The following XIAP variants were observed in gnomAD, a reference collection of about 807,000 sequenced individuals.
XIAP encodes the protein E3 ubiquitin-protein ligase XIAP.
XIAP carries 3 observed loss-of-function variants against 33.1 expected under a neutral mutation model. The ratio of observed to expected loss-of-function variants is 0.09; its 90% confidence interval spans 0.04 to 0.23. The LOEUF (loss-of-function observed/expected upper bound fraction) is 0.23, where lower values mean the gene tolerates loss of function less well. XIAP is among the 10% of genes least tolerant of loss of function. XIAP has a pLI of 1.00. For synonymous variants in XIAP, 98 were observed against 121.3 expected (o/e 0.81, Z 1.26); for missense variants, 264 against 363.0 (o/e 0.73, Z 2.22).
chrX:123,887,340 G>A (rs892737432), intron 2 of XIAP, among the ~76,000 whole-genome samples: 11 of 112,455 alleles, frequency 9.8e-5, no homozygotes, highest in Middle Eastern at 4.6e-3. Context: ...GAGCCACTGC[G>A]CCGGCCATAT....
chrX:123,860,375 A>T (rs1316311418), intron 1 of XIAP, 82 bp downstream of exon 1: 1 of 300,850 alleles, frequency 3.3e-6, no homozygotes, highest in Non-Finnish European at 6.5e-6. Flanking sequence ...TTTCCCCTCC[A>T]CTTCCCTCGG....
At chrX:123,866,161 G>C (rs1017609614) in intron 1 of XIAP, among the ~76,000 whole-genome samples, 1 of 109,448 alleles carries the variant, frequency 9.1e-6, no homozygotes, top group Non-Finnish European at 1.9e-5. Flanking sequence ...GGTTGGCCTC[G>C]AACTCCTGAC....
intron 1 of XIAP, among the ~76,000 whole-genome samples, chrX:123,876,709 A>ATAAATAAATAAG (rs1292971265): frequency 9.1e-6 from 1 of 110,358 alleles, no homozygotes; most frequent in Admixed American, 9.9e-5. Context: ...TGTCTTTTAA[A>ATAAATAAATAAG]TAAATAAATA....
intron 1 of XIAP, among the ~76,000 whole-genome samples, chrX:123,883,832 G>T (rs1261938251): frequency 9.0e-6 from 1 of 111,116 alleles, no homozygotes; most frequent in African/African-American, 3.3e-5. Flanking sequence ...GAGTGAGAAG[G>T]GGGGAAAGAG....
At chrX:123,899,119 CAAAAAAAA>C (rs1187328706) in intron 5 of XIAP, among the ~76,000 whole-genome samples, 28 of 7,217 alleles carry the variant, frequency 3.9e-3, no homozygotes, top group African/African-American at 0.02. Context: ...GACTACGTCT[CAAAAAAAA>C]AAAAAAAAAA....
chrX:123,895,865 G>A (rs750488441), intron 5 of XIAP, among the ~76,000 whole-genome samples: 2 of 106,808 alleles, frequency 1.9e-5, no homozygotes, highest in East Asian at 3.0e-4. Context: ...GGGTTCAAGC[G>A]ATCCTCCTGA....
In XIAP at chrX:123,876,442, G is replaced by A. The variant is rs140705845; in HGVS notation, c.-32-9189G>A. On this transcript the variant is annotated intron_variant, in intron 1 of 6. Transcript: ENST00000371199. ...AAACTAGTCAAACACAGTGGTTCAC[G>A]CCTATAATCACAACACTTTGGGAGG... is the stretch of plus-strand genomic sequence containing the variant. 1.0e-2 allele frequency among the ~76,000 whole-genome samples: 1,107 copies of A among 111,256 alleles called. 13 individuals are homozygous for A. The highest frequency in any genetic ancestry group is 0.034 in the African/African-American group (1,038 of 30,638).
Sources: allele counts gnomAD v4.1 joint callset (sites outside exome capture counted in the v4.1 genomes callset), GRCh38; gene constraint gnomAD v4.1.1; transcripts MANE v1.5; gene names NCBI Gene and HGNC (gene_info 2026-07-23, HGNC 2026-07-21).